Variants in TBC1D5 observed in about 807,000 individuals in gnomAD.
The protein encoded by TBC1D5 is TBC1 domain family member 5, also known as TBC1 domain family, member 5.
TBC1D5 carries 75 observed loss-of-function variants against 100.3 expected under a neutral mutation model. The observed-to-expected ratio is 0.75, with a 90% confidence interval of 0.62 to 0.91. TBC1D5 has a LOEUF of 0.91. TBC1D5 is among the 40% of genes least tolerant of loss of function. The probability of loss-of-function intolerance (pLI) is 0.00; values close to 1 mark genes in which losing one functional copy is unlikely to be tolerated. For missense variants in TBC1D5, 910 were observed against 942.4 expected, an observed-to-expected ratio of 0.97 and a Z score of 0.45; for synonymous variants, 323 against 325.6, an observed-to-expected ratio of 0.99 and a Z score of 0.09.
chr3:17,392,791 T>G (rs562759112), intron 8 of TBC1D5, among the ~76,000 whole-genome samples: 7 of 152,174 alleles, frequency 4.6e-5, no homozygotes, highest in Non-Finnish European at 7.4e-5. Context: ...TGGTTCCAAG[T>G]CTTTGCTATT....
chr3:17,301,165 AAT>A (rs969909133), intron 14 of TBC1D5, among the ~76,000 whole-genome samples: 1 of 152,172 alleles, frequency 6.6e-6, no homozygotes, highest in African/African-American at 2.4e-5. Context: ...TTATGTTTAA[AAT>A]AGAGACAATT....
chr3:17,496,644 G>A (rs983508962), intron 3 of TBC1D5, among the ~76,000 whole-genome samples: 2 of 152,106 alleles, frequency 1.3e-5, no homozygotes, highest in African/African-American at 4.8e-5. Flanking sequence ...CCATTAAATT[G>A]TTAAAATGTT....
At chr3:17,251,080 T>C (rs2077128091) in intron 16 of TBC1D5, among the ~76,000 whole-genome samples, 1 of 152,200 alleles carries the variant, frequency 6.6e-6, no homozygotes, top group Admixed American at 6.5e-5. Flanking sequence ...TAGTCACCAA[T>C]GAGGGAGTAC....
At chr3:17,396,388 G>A (rs891431793) in intron 8 of TBC1D5, among the ~76,000 whole-genome samples, 2 of 151,478 alleles carry the variant, frequency 1.3e-5, no homozygotes, top group African/African-American at 4.9e-5. Flanking sequence ...AATCAATTCT[G>A]CTCTGAAATT....
intron 13 of TBC1D5, among the ~76,000 whole-genome samples, chr3:17,308,430 T>C (rs1289558756): frequency 6.6e-6 from 1 of 151,898 alleles, no homozygotes; most frequent in East Asian, 1.9e-4. Context: ...GAAGAAAAAA[T>C]GAATGTTTAG....
At chr3:17,376,654 CAG>C (rs1413775250) in intron 9 of TBC1D5, 41 bp from the exon 10 acceptor site, 11 of 1,559,698 alleles carry the variant, frequency 7.1e-6, no homozygotes, top group Non-Finnish European at 9.7e-6. Flanking sequence ...GATGGATACT[CAG>C]AGTCCATTAG....
At chr3:17,190,243 A>G (rs1283411916) in intron 18 of TBC1D5, among the ~76,000 whole-genome samples, 2 of 152,208 alleles carry the variant, frequency 1.3e-5, no homozygotes, top group African/African-American at 2.4e-5. Flanking sequence ...GGCCACTGAA[A>G]AAGTTTAGAG....
intron 1 of TBC1D5, among the ~76,000 whole-genome samples, chr3:17,648,922 T>C (rs991307767): frequency 3.3e-5 from 5 of 152,202 alleles, no homozygotes; most frequent in Non-Finnish European, 7.4e-5. Flanking sequence ...AATATCGTGA[T>C]TCCTCACAGA....
chr3:17,276,674 G>A (rs2080047776), intron 15 of TBC1D5, among the ~76,000 whole-genome samples: 2 of 152,122 alleles, frequency 1.3e-5, no homozygotes, highest in Non-Finnish European at 2.9e-5. Context: ...GAGCCCAGGA[G>A]GTAAAAGAAC....
chr3:17,486,025 G>T (rs200240517), intron 3 of TBC1D5, among the ~76,000 whole-genome samples: 2 of 150,980 alleles, frequency 1.3e-5, no homozygotes, highest in Non-Finnish European at 2.9e-5. Context: ...CTTTTTAATG[G>T]TCGCCATTCT....
chr3:17,207,083 T>C (rs919163271), intron 18 of TBC1D5, among the ~76,000 whole-genome samples: 1 of 152,122 alleles, frequency 6.6e-6, no homozygotes, highest in African/African-American at 2.4e-5. Flanking sequence ...TACAGGTGCA[T>C]GCCACTATGC....
chr3:17,564,080 C>T (rs775417528), intron 2 of TBC1D5, among the ~76,000 whole-genome samples: 1 of 152,230 alleles, frequency 6.6e-6, no homozygotes, highest in Non-Finnish European at 1.5e-5. Flanking sequence ...CCGTGCCCGG[C>T]CTTACAGGTG....
In TBC1D5 at chr3:17,178,102, G is replaced by A. The variant is rs1473518048; in HGVS notation, c.1852+7007C>T. 5.3e-5 allele frequency among the ~76,000 whole-genome samples: 7 copies of A among 131,704 alleles called. No homozygotes were observed. The South Asian group carries it at 1.6e-3, about 30-fold the overall frequency. 86.4% of individuals were successfully genotyped at this position (131,704 alleles called of 152,430 possible). A position where few individuals can be genotyped will look rare whatever the true frequency, so the allele number is the denominator to read the frequency against. On this transcript the variant is annotated intron_variant, in intron 19 of 21. Transcript: ENST00000253692. Reference sequence around the variant, plus strand: ...TTTTTTTGAGATGGAGTCTCGCTCTGTCGCCCAGGCTGGAGTGCAGTGGCG... The same window carrying A: ...TTTTTTTGAGATGGAGTCTCGCTCTATCGCCCAGGCTGGAGTGCAGTGGCG...
At chr3:17,488,506 G>C (rs1364690453) in intron 3 of TBC1D5, among the ~76,000 whole-genome samples, 1 of 152,198 alleles carries the variant, frequency 6.6e-6, no homozygotes, top group African/African-American at 2.4e-5. Flanking sequence ...GAGCAAAACT[G>C]CTGGGTCATA....
At chr3:17,449,183 A>G (rs910663048) in intron 3 of TBC1D5, among the ~76,000 whole-genome samples, 1 of 152,186 alleles carries the variant, frequency 6.6e-6, no homozygotes, top group African/African-American at 2.4e-5. Flanking sequence ...GGACTGTGCC[A>G]TGAGAGACGG....
intron 17 of TBC1D5, among the ~76,000 whole-genome samples, chr3:17,232,235 C>G (rs1576156239): frequency 6.6e-6 from 1 of 152,100 alleles, no homozygotes; most frequent in Non-Finnish European, 1.5e-5. Flanking sequence ...TCAGAATAAG[C>G]AAGCCAACTC....
At chr3:17,253,757 C>T (rs574010604) in intron 16 of TBC1D5, among the ~76,000 whole-genome samples, 6 of 152,290 alleles carry the variant, frequency 3.9e-5, no homozygotes, top group Admixed American at 3.9e-4. Context: ...CTCTGACTAG[C>T]GTTTTTTGTT....
intron 16 of TBC1D5, among the ~76,000 whole-genome samples, chr3:17,252,448 A>G (rs1486815730): frequency 6.6e-6 from 1 of 152,194 alleles, no homozygotes; most frequent in Non-Finnish European, 1.5e-5. Context: ...TCTGGCATGT[A>G]GGTCCTCTGT....
chr3:17,293,642 C>T (rs976961892), intron 14 of TBC1D5, among the ~76,000 whole-genome samples: 1 of 152,144 alleles, frequency 6.6e-6, no homozygotes, highest in East Asian at 1.9e-4. Flanking sequence ...TATTTGACTG[C>T]TTTATTCAAT....
Sources: gnomAD v4.1 joint callset for allele counts (sites outside exome capture counted in the v4.1 genomes callset) on GRCh38, gnomAD v4.1.1 for gene constraint, MANE v1.5 for transcripts, NCBI Gene and HGNC (gene_info 2026-07-23, HGNC 2026-07-21) for gene names.